DST: variants seen among roughly 807,000 people sequenced by gnomAD.
DST encodes the protein bullous pemphigoid antigen.
Under a neutral mutation model 875.2 loss-of-function variants are expected in DST, and 253 were observed. The ratio of observed to expected loss-of-function variants is 0.29; its 90% CI spans 0.26 to 0.32. DST has a LOEUF of 0.32. Among genes scored for constraint, DST ranks in the 10% least tolerant of loss-of-function variants. The pLI is 1.00. For missense variants in DST, 8,287 were observed against 9,111.6 expected (o/e 0.91, Z 3.68); for synonymous variants, 3,124 against 3,197.1 (o/e 0.98, Z 0.77).
At position 56,546,374 on chromosome 6, in the gene DST, AT is replaced by A. The variant is rs1206201012; in HGVS notation, c.16608+5809del. On this transcript the variant is annotated intron_variant, in intron 61 of 103. Coordinates refer to ENST00000680361, the MANE Select transcript of DST (RefSeq NM_001374736.1). ...TATATATATATATATATATATATAT[AT>A]ATATATATATATATAAATGTCAAAA... Among the ~76,000 whole-genome samples the A allele has an allele frequency of 1.1e-4, 15 of 137,824 alleles. 1 individual carries two copies. The East Asian group carries it at 1.1e-3, about 10-fold the overall frequency. The allele number at this position is 137,824 out of a possible 152,430, so 90.4% of individuals were successfully genotyped here.
intron 4 of DST, among the ~76,000 whole-genome samples, chr6:56,847,402 G>A (rs774719049): frequency 6.6e-5 from 10 of 152,138 alleles, no homozygotes; most frequent in South Asian, 4.1e-4. Flanking sequence ...TTTCCAAACC[G>A]TAAACCTGAT....
In DST at chr6:56,618,587, T is replaced by G. The variant is rs368746654; in HGVS notation, c.4930-4103A>C. 6.6e-5 allele frequency: 107 copies of G among 1,614,192 alleles called. No individual in the cohort carries two copies. The East Asian group carries it at 2.2e-3, about 33-fold the overall frequency. On this transcript the variant is annotated intron_variant, in intron 36 of 103. Transcript: ENST00000680361. Reference sequence around the variant, plus strand: ...ATGATTTGCTTCCATGTGCTGCCCTTGCTGCATTTGTTCACGATACTGTTG... The same window carrying G: ...ATGATTTGCTTCCATGTGCTGCCCTGGCTGCATTTGTTCACGATACTGTTG...
intron 3 of DST, among the ~76,000 whole-genome samples, chr6:56,880,837 C>CTTTTTTT (rs765843469): frequency 1.7e-4 from 10 of 58,086 alleles, no homozygotes; most frequent in Admixed American, 3.1e-4. Flanking sequence ...TACTGTCTTT[C>CTTTTTTT]TTTTTTTTTT....
intron 4 of DST, among the ~76,000 whole-genome samples, chr6:56,772,310 A>C (rs2099668218): frequency 6.6e-6 from 1 of 152,222 alleles, no homozygotes; most frequent in Non-Finnish European, 1.5e-5. Context: ...CTAAAAATAC[A>C]TGTTACTTAT....
chr6:56,779,199 T>C (rs1259677484), intron 4 of DST, among the ~76,000 whole-genome samples: 1 of 152,128 alleles, frequency 6.6e-6, no homozygotes, highest in African/African-American at 2.4e-5. Flanking sequence ...GAAGTGTCTG[T>C]TCAAATCCTT....
At chr6:56,632,096 T>C in intron 28 of DST, 56 bp from the exon 29 acceptor site, 1 of 1,408,008 alleles carries the variant, frequency 7.1e-7, no homozygotes. Context: ...TAGAAGCTTC[T>C]GTTTATGTTT....
rs143900850 is a variant in DST, at chr6:56,866,674, T to C, written c.418-15070A>G. Among the ~76,000 whole-genome samples, 96 of 152,328 alleles carry C rather than the reference T, an allele frequency of 6.3e-4. 1 individual carries two copies. In the East Asian group the frequency reaches 0.018, roughly 28 times the overall value. On this transcript the variant is annotated intron_variant, in intron 3 of 103. Coordinates refer to ENST00000680361, the MANE Select transcript of DST (RefSeq NM_001374736.1). Reference sequence around the variant, plus strand: ...CCTGCTTCACTTTCCCCCACAGCACTTATTACCATCTGAAACATTATGTAT... The same window carrying C: ...CCTGCTTCACTTTCCCCCACAGCACCTATTACCATCTGAAACATTATGTAT...
chr6:56,466,793 C>T (rs909104518), intron 98 of DST: 2 of 152,128 alleles, frequency 1.3e-5, no homozygotes, highest in Admixed American at 1.3e-4. Flanking sequence ...ATCTGGTAAA[C>T]CAATTTGTTA....
intron 63 of DST, among the ~76,000 whole-genome samples, chr6:56,534,494 G>A (rs561707313): frequency 1.3e-5 from 2 of 152,268 alleles, no homozygotes; most frequent in South Asian, 4.1e-4. Context: ...CCCCACTTTA[G>A]TAGTGTCAAA....
chr6:56,876,326 C>T (rs1010928383), intron 3 of DST, among the ~76,000 whole-genome samples: 1 of 152,218 alleles, frequency 6.6e-6, no homozygotes, highest in Non-Finnish European at 1.5e-5. Context: ...TTTATCTTCT[C>T]TCTTCTTCTC....
At chr6:56,905,178 C>T (rs1795827637) in intron 2 of DST, among the ~76,000 whole-genome samples, 1 of 152,124 alleles carries the variant, frequency 6.6e-6, no homozygotes, top group Non-Finnish European at 1.5e-5. Flanking sequence ...CCCAAATTAT[C>T]AGCCCCTTTT....
chr6:56,514,366 A>G (rs543001430), intron 72 of DST, among the ~76,000 whole-genome samples: 4 of 152,312 alleles, frequency 2.6e-5, no homozygotes, highest in Non-Finnish European at 5.9e-5. Context: ...TTCCTGTTCT[A>G]TATTAAATAA....
intron 61 of DST, among the ~76,000 whole-genome samples, chr6:56,547,044 A>G (rs775166135): frequency 4.2e-4 from 64 of 152,230 alleles, no homozygotes; most frequent in Non-Finnish European, 6.6e-4. Flanking sequence ...TGAAGGAATA[A>G]AAGTTAAGAG....
At chr6:56,632,386 AAAT>A (rs1310188424) in intron 28 of DST, among the ~76,000 whole-genome samples, 1 of 152,124 alleles carries the variant, frequency 6.6e-6, no homozygotes, top group African/African-American at 2.4e-5. Context: ...AATATTAGGT[AAAT>A]AATATTTAAT....
At chr6:56,610,339 A>G (rs751441934) in intron 39 of DST, 88 bp downstream of exon 39, 11 of 1,045,762 alleles carry the variant, frequency 1.1e-5, no homozygotes, top group Admixed American at 1.0e-4. Context: ...ATTCAAGGTC[A>G]TTTCTTTATT....
chr6:56,525,841 T>TA (rs1399743445), intron 69 of DST, among the ~76,000 whole-genome samples: 1 of 152,200 alleles, frequency 6.6e-6, no homozygotes, highest in Non-Finnish European at 1.5e-5. Flanking sequence ...GCAGGAGTTA[T>TA]AGACAAATTG....
chr6:56,527,548 T>C lies in DST; in HGVS notation c.17867A>G (p.Tyr5956Cys). The C allele has an allele frequency of 3.1e-6, 5 of 1,613,838 alleles. No individual in the cohort carries two copies. The highest frequency in any genetic ancestry group is 3.4e-6 in the Non-Finnish European group (4 of 1,179,836). Reference protein sequence around the residue: ...LDKVEVELLSYETQVLKGEEA... With the variant: ...LDKVEVELLSCETQVLKGEEA... ...TTCTCCTTTCAGAACCTGAGTTTCATATGAAAGTAATTCCACCTCCACTTT... is the reference window on the plus strand; with the variant it reads ...TTCTCCTTTCAGAACCTGAGTTTCACATGAAAGTAATTCCACCTCCACTTT... Residue 5956 changes from tyrosine (Y) to cysteine (C), a missense_variant, in exon 68 of 104, where the codon TAT (tyrosine) becomes TGT (cysteine). By Grantham distance (194) the Tyr-to-Cys change is radical (BLOSUM62 -2). Transcript: ENST00000680361.
intron 3 of DST, among the ~76,000 whole-genome samples, chr6:56,883,959 G>GT (rs1783400813): frequency 6.6e-6 from 1 of 152,010 alleles, no homozygotes; most frequent in African/African-American, 2.4e-5. Context: ...GCAAGACCAT[G>GT]TTTCTTCAAA....
intron 4 of DST, chr6:56,742,353 C>T (rs779867227): frequency 1.6e-6 from 2 of 1,289,770 alleles, no homozygotes; most frequent in South Asian, 2.5e-5. Flanking sequence ...TGCAGGAAAT[C>T]TGTGCAGCAG....
Sources: gnomAD v4.1 joint callset for allele counts (sites outside exome capture counted in the v4.1 genomes callset) on GRCh38, gnomAD v4.1.1 for gene constraint, MANE v1.5 for transcripts, NCBI Gene and HGNC (gene_info 2026-07-23, HGNC 2026-07-21) for gene names.